Variants in TMEM156 observed in about 807,000 individuals in gnomAD.
TMEM156 encodes transmembrane protein 156.
In TMEM156, 28 loss-of-function variants were observed where a neutral mutation model predicts 30.5. The ratio of observed to expected loss-of-function variants is 0.92; its 90% CI spans 0.68 to 1.26. The LOEUF is 1.26. Ranked by LOEUF, TMEM156 falls within the 50% of genes most tolerant of loss-of-function variation. The pLI is 0.00. For synonymous variants in TMEM156, 137 were observed against 119.9 expected (o/e 1.14, Z -0.93); for missense variants, 351 against 340.6 (o/e 1.03, Z -0.24).
In TMEM156 at chr4:38,972,374, C is replaced by G. The variant is rs1722644966; in HGVS notation, c.824-1237G>C. On this transcript the variant is annotated intron_variant, in intron 5 of 6. Coordinates refer to ENST00000381938, the MANE Select transcript of TMEM156 (RefSeq NM_024943.3). ...GTTCAAGCAATTCTGTCTCAGCCTC[C>G]TGAGTAGCTGGGATCACAGATGTGT... is the stretch of plus-strand genomic sequence containing the variant. 2.0e-5 allele frequency among the ~76,000 whole-genome samples: 3 copies of G among 149,450 alleles called. No individual in the cohort carries two copies. The South Asian group carries it at 6.3e-4, about 32-fold the overall frequency.
At chr4:38,982,082 G>C (rs909186323) in intron 5 of TMEM156, among the ~76,000 whole-genome samples, 19 of 152,246 alleles carry the variant, frequency 1.2e-4, no homozygotes, top group African/African-American at 4.6e-4. Context: ...CCCTCAATCT[G>C]AGTGGGCACC....
chr4:38,990,426 A>C (rs1712337534), intron 3 of TMEM156, among the ~76,000 whole-genome samples: 1 of 152,240 alleles, frequency 6.6e-6, no homozygotes, highest in Non-Finnish European at 1.5e-5. Flanking sequence ...GTTAAATAGC[A>C]GAGAACACTG....
At chr4:39,019,541 C>T (rs1306475538) in intron 1 of TMEM156, among the ~76,000 whole-genome samples, 1 of 152,130 alleles carries the variant, frequency 6.6e-6, no homozygotes, top group African/African-American at 2.4e-5. Flanking sequence ...GAATAAACGA[C>T]TCTGTTTGTC....
At chr4:38,970,565 TA>T (rs1002400076) in intron 6 of TMEM156, among the ~76,000 whole-genome samples, 25 of 151,632 alleles carry the variant, frequency 1.6e-4, no homozygotes, top group East Asian at 1.5e-3. Flanking sequence ...GATGAATGAA[TA>T]AAAAAAAATT....
intron 3 of TMEM156, among the ~76,000 whole-genome samples, chr4:38,991,791 T>G (rs1026854482): frequency 2.6e-5 from 4 of 152,188 alleles, no homozygotes; most frequent in Non-Finnish European, 5.9e-5. Flanking sequence ...AAAAAATATG[T>G]TTTTGATGTC....
intron 2 of TMEM156, among the ~76,000 whole-genome samples, chr4:38,997,166 T>C (rs1486461437): frequency 6.6e-6 from 1 of 152,212 alleles, no homozygotes; most frequent in Non-Finnish European, 1.5e-5. Context: ...AAACACTTCC[T>C]AGTTCTCTGT....
chr4:39,001,739 A>T lies in TMEM156; in HGVS notation c.89-2830T>A, dbSNP rs1260309698. Reference sequence around the variant, plus strand: ...TCAGAAATAACGCCGCATATCTACAACTATCTGATCTTTGACAAACCTGAG... The same window carrying T: ...TCAGAAATAACGCCGCATATCTACATCTATCTGATCTTTGACAAACCTGAG... On this transcript the variant is annotated intron_variant, in intron 1 of 6. Coordinates refer to ENST00000381938, the MANE Select transcript of TMEM156 (RefSeq NM_024943.3). Among the ~76,000 whole-genome samples the T allele has an allele frequency of 7.4e-5, 11 of 148,270 alleles. No individual in the cohort carries two copies. In the Admixed American group the frequency reaches 7.5e-4, roughly 10 times the overall value.
chr4:39,014,214 G>A (rs373200371), intron 1 of TMEM156, among the ~76,000 whole-genome samples: 28 of 152,094 alleles, frequency 1.8e-4, no homozygotes, highest in East Asian at 1.2e-3. Context: ...GAGTCAATCT[G>A]CCATGTATTA....
At chr4:38,986,482 C>T in intron 4 of TMEM156, 63 bp from the exon 5 acceptor site, 1 of 1,239,806 alleles carries the variant, frequency 8.1e-7, no homozygotes, top group Non-Finnish European at 1.2e-6. Context: ...ACATATATTC[C>T]CCATGTTGGT....
At chr4:39,027,551 C>CTTTTTTT (rs71192813) in intron 1 of TMEM156, among the ~76,000 whole-genome samples, 1 of 79,020 alleles carries the variant, frequency 1.3e-5, no homozygotes, top group Non-Finnish European at 2.3e-5. Context: ...TATACTATTC[C>CTTTTTTT]TTTTTTTTTT....
chr4:39,026,028 C>G (rs1715182478), intron 1 of TMEM156, among the ~76,000 whole-genome samples: 2 of 152,182 alleles, frequency 1.3e-5, no homozygotes, highest in African/African-American at 4.8e-5. Flanking sequence ...ATGACAGACA[C>G]TCTCTTAATT....
chr4:39,027,509 A>G (rs1477646568), intron 1 of TMEM156, among the ~76,000 whole-genome samples: 2 of 152,008 alleles, frequency 1.3e-5, no homozygotes, highest in Non-Finnish European at 2.9e-5. Context: ...GGAAGTCAAA[A>G]CAGATAAAAT....
rs573206957 is a variant in TMEM156, at chr4:39,001,968, C to T, written c.89-3059G>A. ...TAGGCTTTACCATTCAGGAAATAGG[C>T]ATGGGCAAGGACTTCATGTCTAAAA... On this transcript the variant is annotated intron_variant, in intron 1 of 6. Transcript: ENST00000381938. 9.3e-5 allele frequency among the ~76,000 whole-genome samples: 13 copies of T among 139,562 alleles called. No homozygotes were observed. In the East Asian group the frequency reaches 2.9e-3, roughly 31 times the overall value. 91.6% of individuals were successfully genotyped at this position (139,562 alleles called of 152,430 possible). A position where few individuals can be genotyped will look rare whatever the true frequency, so the allele number is the denominator to read the frequency against.
At position 38,968,402 on chromosome 4, in the gene TMEM156, A is replaced by C. The variant is rs147623172; in HGVS notation, c.*39-761T>G. Among the ~76,000 whole-genome samples the C allele has an allele frequency of 6.1e-3, 927 of 152,280 alleles. 10 individuals are homozygous for C. Among genetic ancestry groups the C allele is most frequent in the African/African-American group, 0.021 (873 of 41,564 alleles). Reference sequence around the variant, plus strand: ...TCGTGCTCCCCAAGTCCCTCTCTTCACATGTGAACACCTTTATCATGTTAC... The same window carrying C: ...TCGTGCTCCCCAAGTCCCTCTCTTCCCATGTGAACACCTTTATCATGTTAC... On this transcript the variant is annotated intron_variant, in intron 6 of 6. Coordinates refer to ENST00000381938, the MANE Select transcript of TMEM156 (RefSeq NM_024943.3).
At chr4:38,969,942 G>A (rs186682905) in intron 6 of TMEM156, among the ~76,000 whole-genome samples, 1 of 152,308 alleles carries the variant, frequency 6.6e-6, no homozygotes, top group Non-Finnish European at 1.5e-5. Context: ...TTGCTGAATG[G>A]AAGAGTAGTT....
At chr4:39,022,618 G>A (rs1429676525) in intron 1 of TMEM156, among the ~76,000 whole-genome samples, 1 of 152,086 alleles carries the variant, frequency 6.6e-6, no homozygotes, top group Non-Finnish European at 1.5e-5. Flanking sequence ...ATTTTTCAGA[G>A]TATGACTGCA....
intron 5 of TMEM156, among the ~76,000 whole-genome samples, chr4:38,974,586 G>A (rs1722760367): frequency 6.6e-6 from 1 of 151,644 alleles, no homozygotes; most frequent in Non-Finnish European, 1.5e-5. Flanking sequence ...TGACAATTTA[G>A]ATTTTCTAAT....
intron 5 of TMEM156, among the ~76,000 whole-genome samples, chr4:38,984,833 A>G (rs1577521521): frequency 6.6e-6 from 1 of 152,348 alleles, no homozygotes; most frequent in Non-Finnish European, 1.5e-5. Context: ...ATACCTGGTA[A>G]TAAAGCCAGA....
chr4:38,977,394 G>T (rs1217931488), intron 5 of TMEM156, among the ~76,000 whole-genome samples: 1 of 152,126 alleles, frequency 6.6e-6, no homozygotes, highest in African/African-American at 2.4e-5. Context: ...TCAAAATGAT[G>T]GCTAGTCTAA....
Sources: gnomAD v4.1 joint callset for allele counts (sites outside exome capture counted in the v4.1 genomes callset) on GRCh38, gnomAD v4.1.1 for gene constraint, MANE v1.5 for transcripts, NCBI Gene and HGNC (gene_info 2026-07-23, HGNC 2026-07-21) for gene names.